The following WTAP variants were observed in gnomAD, a reference collection of about 807,000 sequenced individuals.
The protein encoded by WTAP is WT1 associated protein, also known as pre-mRNA-splicing regulator WTAP.
WTAP carries 8 observed loss-of-function variants against 50.0 expected under a neutral mutation model. The ratio of observed to expected loss-of-function variants is 0.16; its 90% CI spans 0.09 to 0.29. WTAP has a LOEUF of 0.29. WTAP is among the 10% of genes least tolerant of loss of function. The pLI is 1.00. For synonymous variants in WTAP, 194 were observed against 169.0 expected, an observed-to-expected ratio of 1.15 and a Z score of -1.15; for missense variants, 295 against 470.7, an observed-to-expected ratio of 0.63 and a Z score of 3.45.
intron 3 of WTAP, among the ~76,000 whole-genome samples, chr6:159,739,717 A>T (rs1779127444): frequency 6.6e-6 from 1 of 152,150 alleles, no homozygotes; most frequent in Non-Finnish European, 1.5e-5. Flanking sequence ...GAGGAGAGAA[A>T]AGATGTTTTG....
chr6:159,752,378 T>G (rs1356369856), intron 6 of WTAP, among the ~76,000 whole-genome samples: 1 of 152,192 alleles, frequency 6.6e-6, no homozygotes, highest in Non-Finnish European at 1.5e-5. Flanking sequence ...CATAAATAAT[T>G]ACAAGAACAA....
At chr6:159,730,786 C>T (rs941586176) in intron 1 of WTAP, 1 of 152,088 alleles carries the variant, frequency 6.6e-6, no homozygotes, top group African/African-American at 2.4e-5. Context: ...AGACATTTAT[C>T]CAAAATCTGT....
chr6:159,727,086 C>T, upstream of WTAP: 1 of 1,197,256 alleles, frequency 8.4e-7, no homozygotes, highest in Non-Finnish European at 1.1e-6. Flanking sequence ...GGGCTGACCT[C>T]CGACCTCGCT....
upstream of WTAP, chr6:159,727,352 G>A (rs781413171): frequency 2.0e-3 from 2,369 of 1,175,384 alleles, no homozygotes; most frequent in Non-Finnish European, 2.5e-3. Context: ...GCCAGAAGGC[G>A]AACATGGCGG....
chr6:159,751,489 ATC>A (rs1415080437), intron 6 of WTAP, among the ~76,000 whole-genome samples: 1 of 152,220 alleles, frequency 6.6e-6, no homozygotes, highest in African/African-American at 2.4e-5. Flanking sequence ...AATCTTGCAT[ATC>A]TCTCATTTTC....
intron 7 of WTAP, among the ~76,000 whole-genome samples, chr6:159,754,751 G>GT (rs1779942828): frequency 1.3e-5 from 2 of 152,262 alleles, no homozygotes; most frequent in South Asian, 4.1e-4. Context: ...TATAGACCCA[G>GT]TTTTTTCTTC....
At chr6:159,751,760 C>CA (rs2114954803) in intron 6 of WTAP, among the ~76,000 whole-genome samples, 1 of 152,280 alleles carries the variant, frequency 6.6e-6, no homozygotes, top group South Asian at 2.1e-4. Context: ...CCTTGAATTA[C>CA]ATTAGGTTAG....
chr6:159,734,135 A>G (rs1460033129), intron 1 of WTAP, among the ~76,000 whole-genome samples: 4 of 152,288 alleles, frequency 2.6e-5, no homozygotes, highest in South Asian at 2.1e-4. Flanking sequence ...AGGAATCTCA[A>G]AATCAAGTGG....
At chr6:159,742,439 T>G (rs1020711537) in intron 4 of WTAP, among the ~76,000 whole-genome samples, 1 of 152,170 alleles carries the variant, frequency 6.6e-6, no homozygotes, top group African/African-American at 2.4e-5. Flanking sequence ...TTTTCTTACT[T>G]GTCCCTAACC....
chr6:159,734,091 A>G (rs1778756093), intron 1 of WTAP, among the ~76,000 whole-genome samples: 1 of 152,244 alleles, frequency 6.6e-6, no homozygotes, highest in African/African-American at 2.4e-5. Context: ...TGTACGTAGT[A>G]TAAAACATGC....
intron 3 of WTAP, among the ~76,000 whole-genome samples, chr6:159,740,591 G>T (rs986127176): frequency 6.6e-6 from 1 of 151,610 alleles, no homozygotes; most frequent in Non-Finnish European, 1.5e-5. Context: ...GGTAAACTAC[G>T]TGTCTTAGGT....
Position 159,755,666 on chromosome 6 carries a change from C to A in WTAP, c.*55C>A. On this transcript the variant is annotated 3_prime_UTR_variant, in exon 8 of 8. Transcript: ENST00000621533. ...CATTTAATTTGGGAGAGGATACTGT[C>A]CAGAAAATTAATGCATACTTTTGTC... 1 of 1,432,238 alleles carries A rather than the reference C, an allele frequency of 7.0e-7. No individual in the cohort carries two copies. Among genetic ancestry groups the A allele is most frequent in the Non-Finnish European group, 9.1e-7 (1 of 1,094,894 alleles). The allele number at this position is 1,432,238 out of a possible 1,614,324, so 88.7% of individuals were successfully genotyped here. A position where few individuals can be genotyped will look rare whatever the true frequency, so the allele number is the denominator to read the frequency against.
At position 159,755,239 on chromosome 6, in the gene WTAP, G is replaced by C. The variant is rs1779958334; in HGVS notation, c.819G>C (p.Leu273=). The C allele has an allele frequency of 6.2e-7, 1 of 1,614,058 alleles. No homozygotes were observed. Among genetic ancestry groups the C allele is most frequent in the Non-Finnish European group, 8.5e-7 (1 of 1,180,024 alleles). Residue 273 remains leucine (L), a synonymous_variant, in exon 8 of 8, where the codon CTG becomes CTC. Transcript: ENST00000621533. ...SEATSKDCSR[L]TNGPSNGSSS... ...CCACAAGTAAAGACTGCAGTCGTCT[G>C]ACAAACGGACCAAGTAATGGTAGCT... is the stretch of plus-strand genomic sequence containing the variant.
intron 7 of WTAP, 94 bp from the exon 8 acceptor site, chr6:159,754,934 G>A (rs796398022): frequency 2.5e-5 from 32 of 1,283,576 alleles, no homozygotes; most frequent in African/African-American, 1.5e-4. Flanking sequence ...TTACTTGAGC[G>A]TTTATTGACT....
At chr6:159,745,062 A>G (rs368626268) in intron 5 of WTAP, 1 of 152,196 alleles carries the variant, frequency 6.6e-6, no homozygotes, top group East Asian at 1.9e-4. Flanking sequence ...CACCACTGAT[A>G]CTTCTTTCTC....
intron 1 of WTAP, among the ~76,000 whole-genome samples, chr6:159,735,551 C>T (rs1172319454): frequency 6.6e-6 from 1 of 152,106 alleles, no homozygotes; most frequent in East Asian, 1.9e-4. Flanking sequence ...GAGTTCGAGA[C>T]CAGCCTGACC....
chr6:159,750,846 C>CTT (rs35685019), intron 6 of WTAP, among the ~76,000 whole-genome samples: 1 of 152,042 alleles, frequency 6.6e-6, no homozygotes, highest in Non-Finnish European at 1.5e-5. Flanking sequence ...CAGGCAATCC[C>CTT]GTCTGGAATA....
In WTAP at chr6:159,745,647, C is replaced by G. The variant is rs1228673990; in HGVS notation, c.273+1855C>G. Among the ~76,000 whole-genome samples, 3 of 152,028 alleles carry G rather than the reference C, an allele frequency of 2.0e-5. No individual in the cohort carries two copies. The East Asian group carries it at 5.8e-4, about 29-fold the overall frequency. On this transcript the variant is annotated intron_variant, in intron 5 of 7. Coordinates refer to ENST00000621533, the MANE Select transcript of WTAP (RefSeq NM_001270531.2). ...AGGTCAGCCTGGAATCTTGGGTATTCTAGAAGAGAGGGGACTACTGAAGAA... is the reference window on the plus strand; with the variant it reads ...AGGTCAGCCTGGAATCTTGGGTATTGTAGAAGAGAGGGGACTACTGAAGAA...
chr6:159,727,877 C>A (rs900921597), intron 1 of WTAP, among the ~76,000 whole-genome samples, 174 bp downstream of exon 1: 1 of 152,238 alleles, frequency 6.6e-6, no homozygotes. Context: ...GGGAACACTT[C>A]CGCCGCTTCG....
Sources: gnomAD v4.1 joint callset for allele counts (sites outside exome capture counted in the v4.1 genomes callset) on GRCh38, gnomAD v4.1.1 for gene constraint, MANE v1.5 for transcripts, NCBI Gene and HGNC (gene_info 2026-07-23, HGNC 2026-07-21) for gene names.